The following ARLN variants were observed in gnomAD, a reference collection of about 807,000 sequenced individuals.
ARLN encodes the protein allregulin, also known as sarcoplasmic/endoplasmic reticulum calcium ATPase regulator ARLN.
At chr4:119,300,649 G>T in the ARLN span, 1 of 1,569,224 alleles carries the variant, frequency 6.4e-7, no homozygotes, top group South Asian at 1.1e-5. Flanking sequence ...GCAGTGCGCC[G>T]CGCCCCGGGT....
At chr4:119,300,516 C>T in the ARLN span, 5 of 1,614,062 alleles carry the variant, frequency 3.1e-6, no homozygotes, top group Non-Finnish European at 4.2e-6. Flanking sequence ...ACCATCAACA[C>T]CCGGTGCGTC....
the ARLN span, among the ~76,000 whole-genome samples, chr4:119,302,148 T>C: frequency 6.6e-6 from 1 of 152,280 alleles, no homozygotes; most frequent in African/African-American, 2.4e-5. Context: ...TGAAGTAGGA[T>C]TGATAAAAAA....
At chr4:119,303,482 G>A in the ARLN span, among the ~76,000 whole-genome samples, 2 of 151,864 alleles carry the variant, frequency 1.3e-5, no homozygotes, top group African/African-American at 2.4e-5. Context: ...TGATCCGCCC[G>A]CCTCGGCCTG....
chr4:119,301,044 A>G, the ARLN span: 1 of 360,788 alleles, frequency 2.8e-6, no homozygotes, highest in Non-Finnish European at 5.0e-6. Context: ...TGGACGTCCT[A>G]CTCACGGGAC....
At chr4:119,300,921 T>G in the ARLN span, 3 of 946,370 alleles carry the variant, frequency 3.2e-6, no homozygotes, top group Non-Finnish European at 4.6e-6. Flanking sequence ...TCACCTCTCC[T>G]ATCCCCGTAT....
the ARLN span, among the ~76,000 whole-genome samples, chr4:119,298,990 G>T: frequency 6.6e-6 from 1 of 152,108 alleles, no homozygotes; most frequent in South Asian, 2.1e-4. Context: ...CCAAAACAGG[G>T]AGGGAGAGTA....
the ARLN span, chr4:119,296,720 G>A: frequency 6.6e-6 from 1 of 152,180 alleles, no homozygotes; most frequent in East Asian, 1.9e-4. Context: ...CCGCAGTGGA[G>A]TGGGTGGCTC....
At chr4:119,302,280 T>G in the ARLN span, among the ~76,000 whole-genome samples, 1 of 152,236 alleles carries the variant, frequency 6.6e-6, no homozygotes, top group African/African-American at 2.4e-5. Flanking sequence ...CAGTATGATC[T>G]GTTCTAGAGT....
At chr4:119,300,856 C>G in the ARLN span, 1 of 1,409,166 alleles carries the variant, frequency 7.1e-7, no homozygotes, top group South Asian at 1.5e-5. Context: ...GTTCTCGTCC[C>G]CCTGAAAGGC....
At chr4:119,300,250 C>G in the ARLN span, 1 of 1,104,010 alleles carries the variant, frequency 9.1e-7, no homozygotes, top group South Asian at 1.4e-5. Context: ...TATAAACTCT[C>G]TGGAATTCAG....
the ARLN span, chr4:119,300,697 A>T: frequency 1.3e-6 from 2 of 1,531,546 alleles, no homozygotes; most frequent in Non-Finnish European, 8.8e-7. Flanking sequence ...CCCAGCGCGC[A>T]GGCGCCTGGC....
the ARLN span, chr4:119,300,773 T>C: frequency 1.3e-5 from 19 of 1,464,140 alleles, no homozygotes; most frequent in Non-Finnish European, 1.7e-5. Context: ...ACTAAGTCAA[T>C]GGGCCCGCCT....
chr4:119,303,713 A>C, the ARLN span, among the ~76,000 whole-genome samples: 1 of 152,178 alleles, frequency 6.6e-6, no homozygotes, highest in African/African-American at 2.4e-5. Context: ...GCGAAATCCC[A>C]TCTCTACAAA....
At chr4:119,302,635 A>G in the ARLN span, among the ~76,000 whole-genome samples, 5 of 152,240 alleles carry the variant, frequency 3.3e-5, no homozygotes, top group Non-Finnish European at 7.3e-5. Context: ...GCACTTGTCC[A>G]ACCACCTTGA....
the ARLN span, among the ~76,000 whole-genome samples, chr4:119,302,239 G>A: frequency 1.3e-5 from 2 of 152,200 alleles, no homozygotes; most frequent in Non-Finnish European, 2.9e-5. Flanking sequence ...CTTTGGCCCA[G>A]AGTCACATGC....
At chr4:119,302,623 C>T in the ARLN span, among the ~76,000 whole-genome samples, 2 of 152,208 alleles carry the variant, frequency 1.3e-5, no homozygotes, top group African/African-American at 4.8e-5. Flanking sequence ...TGCAATACCT[C>T]GGCACTTGTC....
chr4:119,300,795 G>A, the ARLN span: 1 of 1,447,950 alleles, frequency 6.9e-7, no homozygotes, highest in Admixed American at 2.7e-5. Context: ...CTTCTGCCTC[G>A]CGGCGTCCCA....
chr4:119,298,515 C>A, the ARLN span: 1 of 374,692 alleles, frequency 2.7e-6, no homozygotes, highest in Non-Finnish European at 4.8e-6. Context: ...TTATATTCAG[C>A]CCCTGTAAAG....
the ARLN span, among the ~76,000 whole-genome samples, chr4:119,303,114 C>T: frequency 6.6e-6 from 1 of 152,154 alleles, no homozygotes. Context: ...GTCTTTTCCT[C>T]CTTTTCAAGT....
Sources: allele counts gnomAD v4.1 joint callset (sites outside exome capture counted in the v4.1 genomes callset), GRCh38; gene constraint gnomAD v4.1.1; transcripts MANE v1.5; gene names NCBI Gene and HGNC (gene_info 2026-07-23, HGNC 2026-07-21).